SLC25A15: variants seen among roughly 807,000 people sequenced by gnomAD.
SLC25A15 encodes mitochondrial ornithine transporter 1.
SLC25A15 carries 24 observed loss-of-function variants against 32.3 expected under a neutral mutation model. The observed-to-expected ratio is 0.74, with a 90% CI of 0.54 to 1.04. SLC25A15 has a LOEUF of 1.04. Among genes scored for constraint, SLC25A15 ranks in the 50% least tolerant of loss-of-function variants. The pLI, the probability that SLC25A15 is intolerant of heterozygous loss-of-function variation, is 0.00. For missense variants in SLC25A15, 317 were observed against 374.5 expected, an observed-to-expected ratio of 0.85 and a Z score of 1.27; for synonymous variants, 132 against 142.1, an observed-to-expected ratio of 0.93 and a Z score of 0.51.
At chr13:40,799,543 G>A (rs2098871291) in intron 3 of SLC25A15, among the ~76,000 whole-genome samples, 1 of 152,146 alleles carries the variant, frequency 6.6e-6, no homozygotes, top group South Asian at 2.1e-4. Flanking sequence ...TTTTACTGGT[G>A]CCTTATGTGG....
chr13:40,801,575 T>G (rs1881892414), intron 3 of SLC25A15, among the ~76,000 whole-genome samples: 1 of 152,144 alleles, frequency 6.6e-6, no homozygotes, highest in Non-Finnish European at 1.5e-5. Flanking sequence ...CAGACCACAG[T>G]TGGGGGTCTG....
intron 3 of SLC25A15, among the ~76,000 whole-genome samples, chr13:40,800,123 A>G (rs1462175786): frequency 6.6e-6 from 1 of 152,224 alleles, no homozygotes; most frequent in East Asian, 1.9e-4. Context: ...TAGTTATTTC[A>G]GTAGGAGTTT....
At chr13:40,791,337 T>TTTA (rs1881492490) in intron 1 of SLC25A15, among the ~76,000 whole-genome samples, 4 of 121,978 alleles carry the variant, frequency 3.3e-5, no homozygotes, top group Non-Finnish European at 5.5e-5. Context: ...TTATTTATTT[T>TTTA]ATTTTTTATT....
intron 6 of SLC25A15, among the ~76,000 whole-genome samples, chr13:40,808,955 T>C (rs1224135897): frequency 9.4e-6 from 1 of 106,376 alleles, no homozygotes. Flanking sequence ...AAAAAAAAAA[T>C]CTGAGATATG....
Position 40,809,868 on chromosome 13 carries a change from A to T in SLC25A15, c.*201A>T, listed in dbSNP as rs1882373924. ...ATCATTTCTGTCCATAATTGTACTG[A>T]AATAGAAAAGTGACCGCTCTTGCTC... is the stretch of plus-strand genomic sequence containing the variant. On this transcript the variant is annotated 3_prime_UTR_variant, in exon 7 of 7. Transcript: ENST00000338625. The T allele has an allele frequency of 3.3e-6, 2 of 598,156 alleles. No individual in the cohort carries two copies. The highest frequency in any genetic ancestry group is 5.9e-6 in the Non-Finnish European group (2 of 340,166). 37.1% of individuals were successfully genotyped at this position (598,156 alleles called of 1,614,324 possible).
intron 3 of SLC25A15, among the ~76,000 whole-genome samples, chr13:40,801,352 T>C (rs1439105411): frequency 1.3e-5 from 2 of 151,968 alleles, no homozygotes; most frequent in East Asian, 1.9e-4. Flanking sequence ...GTTTGCCTCT[T>C]ACCTGTTGGG....
rs1167215411 is a variant in SLC25A15, at chr13:40,807,483, C to T, written c.622+20C>T. 1.9e-6 allele frequency: 3 copies of T among 1,613,296 alleles called. No homozygotes were observed. The highest frequency in any genetic ancestry group is 2.2e-5 in the South Asian group (2 of 91,054). On this transcript the variant is annotated intron_variant, in intron 5 of 6. Coordinates refer to ENST00000338625, the MANE Select transcript of SLC25A15 (RefSeq NM_014252.4). The stretch of plus-strand genomic sequence containing the variant: ...AATTAGGTAAATGTGTTTGCATTGA[C>T]AGCAGTGGGGTGTGATGGTGTTTGC...
Position 40,792,710 on chromosome 13 carries a change from G to T in SLC25A15, c.-69-448G>T, listed in dbSNP as rs560953021. On this transcript the variant is annotated intron_variant, in intron 1 of 6. Coordinates refer to ENST00000338625, the MANE Select transcript of SLC25A15 (RefSeq NM_014252.4). The stretch of plus-strand genomic sequence containing the variant: ...AAGGCGTGTGTGATCCCAGGGTGCA[G>T]CTCCCACCCTTGGCTGCCTGGGTGC... 6.6e-5 allele frequency among the ~76,000 whole-genome samples: 10 copies of T among 152,306 alleles called. 1 individual carries two copies. The South Asian group carries it at 8.3e-4, about 13-fold the overall frequency.
intron 4 of SLC25A15, among the ~76,000 whole-genome samples, chr13:40,806,788 TCAGA>T (rs961200141): frequency 1.3e-5 from 2 of 151,972 alleles, no homozygotes; most frequent in African/African-American, 2.4e-5. Flanking sequence ...TGAAGGGGAG[TCAGA>T]CAAAGAGTGT....
chr13:40,800,021 C>T (rs1001863757), intron 3 of SLC25A15, among the ~76,000 whole-genome samples: 1 of 152,238 alleles, frequency 6.6e-6, no homozygotes, highest in African/African-American at 2.4e-5. Flanking sequence ...TTGGAAACCA[C>T]TGGGATGTTT....
At chr13:40,805,469 T>C (rs1204470955) in intron 4 of SLC25A15, among the ~76,000 whole-genome samples, 2 of 152,180 alleles carry the variant, frequency 1.3e-5, no homozygotes, top group Non-Finnish European at 2.9e-5. Flanking sequence ...TAGACAGATA[T>C]TTAATACCCC....
chr13:40,800,036 A>G (rs1272105280), intron 3 of SLC25A15, among the ~76,000 whole-genome samples: 1 of 152,264 alleles, frequency 6.6e-6, no homozygotes, highest in South Asian at 2.1e-4. Context: ...ATGTTTAGCT[A>G]TCCCTGCTTT....
chr13:40,802,110 C>G (rs1248310186), intron 3 of SLC25A15: 2 of 152,244 alleles, frequency 1.3e-5, no homozygotes, highest in African/African-American at 4.8e-5. Context: ...GTTAATGCTC[C>G]TAATTGACTA....
At chr13:40,799,355 A>C (rs747833269) in intron 3 of SLC25A15, 40 bp downstream of exon 3, 104 of 1,613,390 alleles carry the variant, frequency 6.4e-5, no homozygotes, top group Non-Finnish European at 8.6e-5. Flanking sequence ...TGTTTAAAAA[A>C]ACCCCACAAA....
rs1315674905 is a variant in SLC25A15 at position 40,809,274 on chromosome 13, CTCTGCCCCA to C, written c.782-266_782-258del. ...TCTGTCTGGCCATCTCAGGCCTCAG[CTCTGCCCCA>C]TCCATATACTAAGAGTTAACCAAGC... On this transcript the variant is annotated intron_variant, in intron 6 of 6. Transcript: ENST00000338625. Among the ~76,000 whole-genome samples, 3 of 152,344 alleles carry C rather than the reference CTCTGCCCCA, an allele frequency of 2.0e-5. No individual in the cohort carries two copies. The East Asian group carries it at 5.8e-4, about 29-fold the overall frequency.
At chr13:40,802,921 A>T (rs1194601862) in intron 3 of SLC25A15, among the ~76,000 whole-genome samples, 1 of 152,024 alleles carries the variant, frequency 6.6e-6, no homozygotes, top group South Asian at 2.1e-4. Context: ...AGGGGATTAT[A>T]TCTCTACCTG....
At chr13:40,790,550 T>C (rs1051976311) in intron 1 of SLC25A15, among the ~76,000 whole-genome samples, 7 of 152,232 alleles carry the variant, frequency 4.6e-5, no homozygotes, top group Non-Finnish European at 8.8e-5. Flanking sequence ...CATCGTTTTC[T>C]ATCCTAATAA....
intron 4 of SLC25A15, among the ~76,000 whole-genome samples, chr13:40,805,970 A>G (rs920734853): frequency 6.6e-6 from 1 of 152,212 alleles, no homozygotes; most frequent in East Asian, 1.9e-4. Context: ...GACCAAGGAT[A>G]TTGCTGTGGT....
chr13:40,790,694 TCTC>T (rs1204687958), intron 1 of SLC25A15, among the ~76,000 whole-genome samples: 3 of 152,290 alleles, frequency 2.0e-5, no homozygotes, highest in East Asian at 3.9e-4. Flanking sequence ...TTCAAGCTAT[TCTC>T]CTCCCTCAGC....
Sources: allele counts gnomAD v4.1 joint callset (sites outside exome capture counted in the v4.1 genomes callset), GRCh38; gene constraint gnomAD v4.1.1; transcripts MANE v1.5; gene names NCBI Gene and HGNC (gene_info 2026-07-23, HGNC 2026-07-21).